The following SLC39A11 variants were observed in gnomAD, a reference collection of about 807,000 sequenced individuals.
The protein encoded by SLC39A11 is zinc transporter ZIP11.
A neutral mutation model predicts 36.1 loss-of-function variants in SLC39A11; 33 were observed. The ratio of observed to expected loss-of-function variants is 0.91; its 90% CI spans 0.69 to 1.22. The LOEUF (loss-of-function observed/expected upper bound fraction) is 1.22, where lower values mean the gene tolerates loss of function less well. Among genes scored for constraint, SLC39A11 ranks in the 50% most tolerant of loss-of-function variants. The pLI is 0.00. For synonymous variants in SLC39A11, 166 were observed against 170.3 expected, an observed-to-expected ratio of 0.97 and a Z score of 0.20; for missense variants, 432 against 430.3, an observed-to-expected ratio of 1.00 and a Z score of -0.03.
chr17:72,646,325 C>G lies in SLC39A11; in HGVS notation c.*1259G>C, dbSNP rs532506386. 2 of 152,524 alleles carry G rather than the reference C, an allele frequency of 1.3e-5. No homozygotes were observed. Among genetic ancestry groups the G allele is most frequent in the Admixed American group, 1.3e-4 (2 of 15,284 alleles). The allele number at this position is 152,524 out of a possible 1,614,324, so 9.4% of individuals were successfully genotyped here. A position where few individuals can be genotyped will look rare whatever the true frequency, so the allele number is the denominator to read the frequency against. On this transcript the variant is annotated 3_prime_UTR_variant, in exon 10 of 10. Transcript: ENST00000255559. ...TCAGCAGAGCCCACTGAAAGTCTCA[C>G]GTGTGCCTTTAACCAATGAGGATGG... is the stretch of plus-strand genomic sequence containing the variant.
chr17:72,922,919 G>A (rs896491300), intron 5 of SLC39A11, among the ~76,000 whole-genome samples: 1 of 132,026 alleles, frequency 7.6e-6, no homozygotes, highest in Non-Finnish European at 1.6e-5. Flanking sequence ...AGTGAGCTGA[G>A]AGTGCGCCAC....
intron 7 of SLC39A11, among the ~76,000 whole-genome samples, chr17:72,687,607 G>T (rs1315054216): frequency 6.6e-6 from 1 of 152,146 alleles, no homozygotes; most frequent in Non-Finnish European, 1.5e-5. Context: ...ATAAACTGTA[G>T]AACTCTGTGG....
intron 4 of SLC39A11, among the ~76,000 whole-genome samples, chr17:72,965,914 T>G (rs1021048365): frequency 6.6e-6 from 1 of 152,182 alleles, no homozygotes; most frequent in African/African-American, 2.4e-5. Context: ...TGAAGCCTGC[T>G]CTATACCAAA....
chr17:72,771,992 A>T (rs2567536), intron 6 of SLC39A11, among the ~76,000 whole-genome samples: 20,645 of 151,962 alleles, frequency 0.14, 1,792 homozygotes, highest in African/African-American at 0.24. Context: ...CTTTCTTCCA[A>T]CTCAACCTGT....
chr17:72,670,617 T>G (rs530521702), intron 7 of SLC39A11, among the ~76,000 whole-genome samples: 1 of 152,362 alleles, frequency 6.6e-6, no homozygotes, highest in African/African-American at 2.4e-5. Flanking sequence ...AGAGTCTTTA[T>G]TCGATGGATC....
At chr17:73,062,466 A>AC in intron 3 of SLC39A11, among the ~76,000 whole-genome samples, 2 of 141,024 alleles carry the variant, frequency 1.4e-5, no homozygotes, top group Non-Finnish European at 1.6e-5. Context: ...TGTCTCAAAA[A>AC]AAAAAAAAAA....
intron 6 of SLC39A11, chr17:72,837,951 AG>A (rs2078639574): frequency 1.6e-6 from 2 of 1,230,436 alleles, no homozygotes; most frequent in African/African-American, 3.1e-5. Context: ...TACTGCTCAA[AG>A]AGTGTGGGGT....
chr17:72,787,963 A>G (rs1186291220), intron 6 of SLC39A11, among the ~76,000 whole-genome samples: 1 of 152,124 alleles, frequency 6.6e-6, no homozygotes, highest in African/African-American at 2.4e-5. Flanking sequence ...ATTTGCATTT[A>G]TTTGTACAAT....
At chr17:72,943,818 A>G (rs141803183) in intron 5 of SLC39A11, among the ~76,000 whole-genome samples, 386 of 152,340 alleles carry the variant, frequency 2.5e-3, no homozygotes, top group African/African-American at 8.7e-3. Context: ...CATCAGACCA[A>G]TCTGGTTCAA....
intron 7 of SLC39A11, among the ~76,000 whole-genome samples, chr17:72,721,170 C>T (rs1177310686): frequency 6.6e-6 from 1 of 151,028 alleles, no homozygotes; most frequent in Admixed American, 6.6e-5. Context: ...GATCTCGGCT[C>T]ACTGCAACCT....
chr17:72,767,078 T>C (rs1488804927), intron 6 of SLC39A11, among the ~76,000 whole-genome samples: 5 of 152,234 alleles, frequency 3.3e-5, no homozygotes, highest in Non-Finnish European at 5.9e-5. Flanking sequence ...TCTTTGTCCA[T>C]AAGAGAGAGA....
chr17:72,918,630 C>T (rs2083463731), intron 5 of SLC39A11, among the ~76,000 whole-genome samples: 1 of 152,190 alleles, frequency 6.6e-6, no homozygotes, highest in East Asian at 1.9e-4. Context: ...CAACTGGCCC[C>T]AGCTTTCCCA....
At chr17:72,825,849 G>A (rs780077549) in intron 6 of SLC39A11, among the ~76,000 whole-genome samples, 1 of 152,212 alleles carries the variant, frequency 6.6e-6, no homozygotes, top group East Asian at 1.9e-4. Flanking sequence ...GCCAATGCCT[G>A]TACCATCACT....
chr17:73,088,437 T>C (rs573808330), intron 2 of SLC39A11, among the ~76,000 whole-genome samples: 2 of 152,012 alleles, frequency 1.3e-5, no homozygotes, highest in Non-Finnish European at 2.9e-5. Flanking sequence ...GGGGAGATGA[T>C]GGTGCATGAA....
intron 6 of SLC39A11, among the ~76,000 whole-genome samples, chr17:72,846,069 G>A (rs543081346): frequency 3.6e-5 from 4 of 110,334 alleles, no homozygotes; most frequent in South Asian, 6.0e-4. Flanking sequence ...TTGCTTTGTC[G>A]CCCAGGCTGC....
At chr17:72,662,760 G>A (rs1032573131) in intron 7 of SLC39A11, among the ~76,000 whole-genome samples, 1 of 146,916 alleles carries the variant, frequency 6.8e-6, no homozygotes, top group South Asian at 2.2e-4. Context: ...AGGAAGGAAA[G>A]GAAGGAAAAG....
At chr17:72,853,120 T>C (rs2079448055) in intron 5 of SLC39A11, among the ~76,000 whole-genome samples, 1 of 151,376 alleles carries the variant, frequency 6.6e-6, no homozygotes, top group Non-Finnish European at 1.5e-5. Flanking sequence ...GCTCAAGCAA[T>C]CCTCCCACCT....
intron 6 of SLC39A11, among the ~76,000 whole-genome samples, chr17:72,762,196 G>A (rs1299490004): frequency 6.6e-6 from 1 of 152,194 alleles, no homozygotes; most frequent in East Asian, 1.9e-4. Flanking sequence ...GTCACAGGAT[G>A]AGATAGGAGG....
chr17:72,971,679 C>A (rs1293727337), intron 4 of SLC39A11, among the ~76,000 whole-genome samples: 1 of 152,144 alleles, frequency 6.6e-6, no homozygotes, highest in South Asian at 2.1e-4. Flanking sequence ...GGCCGGGCCG[C>A]CCCCCAGGAG....
Sources: allele counts gnomAD v4.1 joint callset (sites outside exome capture counted in the v4.1 genomes callset), GRCh38; gene constraint gnomAD v4.1.1; transcripts MANE v1.5; gene names NCBI Gene and HGNC (gene_info 2026-07-23, HGNC 2026-07-21).